MAP7: variants seen among roughly 807,000 people sequenced by gnomAD.
MAP7 encodes the protein microtubule associated protein 7.
MAP7 carries 52 observed loss-of-function variants against 94.8 expected under a neutral mutation model. The ratio of observed to expected loss-of-function variants is 0.55; its 90% CI spans 0.44 to 0.69. The LOEUF (loss-of-function observed/expected upper bound fraction) is 0.69, where lower values mean the gene tolerates loss of function less well. Among genes scored for constraint, MAP7 ranks in the 30% least tolerant of loss-of-function variants. The probability of loss-of-function intolerance (pLI) is 0.00; values close to 1 mark genes in which losing one functional copy is unlikely to be tolerated. For synonymous variants in MAP7, 350 were observed against 357.0 expected (o/e 0.98, Z 0.22); for missense variants, 940 against 964.6 (o/e 0.97, Z 0.34).
At chr6:136,424,872 A>C (rs1385945140) in intron 1 of MAP7, among the ~76,000 whole-genome samples, 2 of 152,246 alleles carry the variant, frequency 1.3e-5, no homozygotes, top group Non-Finnish European at 2.9e-5. Context: ...CCACAAGGAT[A>C]ATGTATTTCA....
At chr6:136,360,972 T>C in intron 12 of MAP7, 33 bp downstream of exon 12, 2 of 1,552,574 alleles carry the variant, frequency 1.3e-6, no homozygotes, top group Middle Eastern at 2.1e-4. Flanking sequence ...CCTGCGGGAC[T>C]GGGGCCGGGG....
Position 136,344,218 on chromosome 6 carries a change from G to GA in MAP7, c.*9dup. On this transcript the variant is annotated 3_prime_UTR_variant, in exon 18 of 18. Coordinates refer to ENST00000354570, the MANE Select transcript of MAP7 (RefSeq NM_003980.6). ...ATTAAATTTCAGCTTTGGTTCTTCA[G>GA]AAGAAACACTCATATAACTTCTACA... The GA allele has an allele frequency of 1.5e-6, 2 of 1,324,630 alleles. No individual in the cohort carries two copies. The highest frequency in any genetic ancestry group is 2.0e-6 in the Non-Finnish European group (2 of 991,438). The allele number at this position is 1,324,630 out of a possible 1,614,324, so 82.1% of individuals were successfully genotyped here. A position where few individuals can be genotyped will look rare whatever the true frequency, so the allele number is the denominator to read the frequency against.
At chr6:136,548,116 A>G (rs1206575204) in intron 1 of MAP7, among the ~76,000 whole-genome samples, 1 of 22,460 alleles carries the variant, frequency 4.5e-5, no homozygotes, top group East Asian at 8.9e-4. Context: ...CACCCCCCCA[A>G]CAATTCCATA....
intron 7 of MAP7, among the ~76,000 whole-genome samples, chr6:136,377,064 A>G (rs1291723406): frequency 6.6e-6 from 1 of 152,194 alleles, no homozygotes; most frequent in African/African-American, 2.4e-5. Context: ...TACCGACTAG[A>G]TGTAGGCTTA....
At chr6:136,367,845 AGGGGAGACT>A (rs1382695103) in intron 8 of MAP7, among the ~76,000 whole-genome samples, 2 of 151,302 alleles carry the variant, frequency 1.3e-5, no homozygotes, top group African/African-American at 4.9e-5. Flanking sequence ...GTCTTTTCCC[AGGGGAGACT>A]GGGGTTAAGT....
intron 1 of MAP7, among the ~76,000 whole-genome samples, chr6:136,540,790 C>T (rs2129059869): frequency 6.6e-6 from 1 of 152,270 alleles, no homozygotes; most frequent in South Asian, 2.1e-4. Context: ...ATTTTAAAAA[C>T]ACTGCCACCT....
chr6:136,369,304 C>A (rs529919832), intron 8 of MAP7, among the ~76,000 whole-genome samples: 1 of 152,248 alleles, frequency 6.6e-6, no homozygotes, highest in African/African-American at 2.4e-5. Flanking sequence ...CTGGGCACTA[C>A]GACTCATGTC....
At chr6:136,416,973 G>C (rs1485636345) in intron 2 of MAP7, among the ~76,000 whole-genome samples, 2 of 152,008 alleles carry the variant, frequency 1.3e-5, no homozygotes, top group Non-Finnish European at 1.5e-5. Flanking sequence ...AAAAAAATTA[G>C]CCAAGAGTGA....
chr6:136,434,169 T>A, intron 1 of MAP7, among the ~76,000 whole-genome samples: 1 of 151,370 alleles, frequency 6.6e-6, no homozygotes, highest in Non-Finnish European at 1.5e-5. Context: ...TAGCCGGGCG[T>A]GGTGGTGGGC....
intron 3 of MAP7, among the ~76,000 whole-genome samples, chr6:136,394,458 A>T (rs1239718633): frequency 6.6e-6 from 1 of 152,056 alleles, no homozygotes; most frequent in Non-Finnish European, 1.5e-5. Context: ...GACGTAGAAT[A>T]ACTGTGCTAT....
chr6:136,501,016 C>A (rs762016940), intron 1 of MAP7, among the ~76,000 whole-genome samples: 10 of 152,122 alleles, frequency 6.6e-5, no homozygotes, highest in Non-Finnish European at 1.5e-4. Flanking sequence ...ATTGTGATTA[C>A]CCTCATTGCA....
chr6:136,534,273 C>T (rs1431764885), intron 1 of MAP7, among the ~76,000 whole-genome samples: 1 of 152,176 alleles, frequency 6.6e-6, no homozygotes, highest in Non-Finnish European at 1.5e-5. Flanking sequence ...AGCAGGCTGG[C>T]AGGCTCGAAA....
intron 1 of MAP7, among the ~76,000 whole-genome samples, chr6:136,519,817 T>C (rs1378974751): frequency 6.6e-6 from 1 of 152,188 alleles, no homozygotes; most frequent in African/African-American, 2.4e-5. Flanking sequence ...TTATTAACCT[T>C]AATATTCACA....
chr6:136,413,864 A>C (rs577469623), intron 2 of MAP7, among the ~76,000 whole-genome samples: 32 of 152,276 alleles, frequency 2.1e-4, no homozygotes. Flanking sequence ...TTGTACATTT[A>C]AAGAAAATAA....
intron 1 of MAP7, among the ~76,000 whole-genome samples, chr6:136,477,701 T>C (rs984326455): frequency 6.6e-6 from 1 of 152,178 alleles, no homozygotes; most frequent in Admixed American, 6.5e-5. Context: ...ATGACACCAT[T>C]ACAGTAATAG....
At position 136,362,615 on chromosome 6, in the gene MAP7, A is replaced by T; in HGVS notation, c.1361T>A (p.Val454Asp). 1 of 1,613,288 alleles carries T rather than the reference A, an allele frequency of 6.2e-7. No individual in the cohort carries two copies. The highest frequency in any genetic ancestry group is 1.1e-5 in the South Asian group (1 of 91,010). Reference protein sequence around the residue: ...APAPVPTPAMVSAPSSTVNAS... With the variant: ...APAPVPTPAMDSAPSSTVNAS... Reference sequence around the variant, plus strand: ...ATTCACAGTGGATGACGGGGCTGAGACCATGGCTGGGGTGGGGACCGGGGC... The same window carrying T: ...ATTCACAGTGGATGACGGGGCTGAGTCCATGGCTGGGGTGGGGACCGGGGC... Residue 454 changes from valine (V) to aspartate (D), a missense_variant, in exon 11 of 18, where the codon GTC (valine) becomes GAC (aspartate). Val to Asp is a radical substitution (Grantham distance 152, BLOSUM62 -3). Coordinates refer to ENST00000354570, the MANE Select transcript of MAP7 (RefSeq NM_003980.6).
At position 136,359,873 on chromosome 6, in the gene MAP7, G is replaced by C. The variant is rs778692187; in HGVS notation, c.1859C>G (p.Thr620Ser). ...TRRTEATDKK[T>S]SDQRNGDIAK... The stretch of plus-strand genomic sequence containing the variant: ...TATATCACCGTTTCTCTGATCACTG[G>C]TTTTCTACGAAGAAGAAAAAAAGAG... Residue 620 changes from threonine to serine, a missense_variant, in exon 15 of 18, where the codon ACC becomes AGC. By Grantham distance (58) the Thr-to-Ser change is moderately conservative (BLOSUM62 1). Coordinates refer to ENST00000354570, the MANE Select transcript of MAP7 (RefSeq NM_003980.6). 1 of 1,613,298 alleles carries C rather than the reference G, an allele frequency of 6.2e-7. No individual in the cohort carries two copies. The highest frequency in any genetic ancestry group is 1.1e-5 in the South Asian group (1 of 90,794).
intron 1 of MAP7, among the ~76,000 whole-genome samples, chr6:136,542,373 C>T (rs914136576): frequency 3.9e-5 from 6 of 152,328 alleles, no homozygotes; most frequent in East Asian, 1.9e-4. Flanking sequence ...ACTGATGAAA[C>T]GTCCAATGAC....
At chr6:136,350,757 G>A (rs13203209) in intron 16 of MAP7, among the ~76,000 whole-genome samples, 1 of 152,184 alleles carries the variant, frequency 6.6e-6, no homozygotes, top group Non-Finnish European at 1.5e-5. Context: ...TACTCAGGAG[G>A]CTGGGGTGGG....
Sources: gnomAD v4.1 joint callset for allele counts (sites outside exome capture counted in the v4.1 genomes callset) on GRCh38, gnomAD v4.1.1 for gene constraint, MANE v1.5 for transcripts, NCBI Gene and HGNC (gene_info 2026-07-23, HGNC 2026-07-21) for gene names.